ADAMTS15: variants seen among roughly 807,000 people sequenced by gnomAD.
ADAMTS15 encodes the protein ADAM metallopeptidase with thrombospondin type 1 motif 15.
A neutral mutation model predicts 79.1 loss-of-function variants in ADAMTS15; 35 were observed. The ratio of observed to expected loss-of-function variants is 0.44; its 90% CI spans 0.34 to 0.59. The LOEUF is 0.59. Ranked by LOEUF, ADAMTS15 falls within the 20% of genes least tolerant of loss-of-function variation. The pLI is 0.02. For missense variants in ADAMTS15, 1,324 were observed against 1,318.7 expected, an observed-to-expected ratio of 1.00 and a Z score of -0.06; for synonymous variants, 616 against 567.3, an observed-to-expected ratio of 1.09 and a Z score of -1.22.
chr11:130,466,616 C>T (rs905817829), intron 4 of ADAMTS15, among the ~76,000 whole-genome samples: 1 of 152,240 alleles, frequency 6.6e-6, no homozygotes, highest in Non-Finnish European at 1.5e-5. Context: ...CCCCCTGTCC[C>T]CTGGATTAAT....
intron 7 of ADAMTS15, among the ~76,000 whole-genome samples, chr11:130,471,979 G>A (rs1236821868): frequency 1.3e-5 from 2 of 152,236 alleles, no homozygotes; most frequent in African/African-American, 2.4e-5. Context: ...GACAGCAAGT[G>A]GGCAGCTGGG....
At chr11:130,470,133 C>CAT (rs1244452788) in intron 5 of ADAMTS15, among the ~76,000 whole-genome samples, 1,107 of 74,586 alleles carry the variant, frequency 0.015, 30 homozygotes, top group Non-Finnish European at 0.019. Flanking sequence ...TATATATATA[C>CAT]ATATATATAT....
chr11:130,455,789 A>C (rs1938064601), intron 1 of ADAMTS15, among the ~76,000 whole-genome samples: 2 of 152,202 alleles, frequency 1.3e-5, no homozygotes, highest in Admixed American at 6.5e-5. Context: ...GTGTCAATGC[A>C]GGTGTGGGGC....
Position 130,449,875 on chromosome 11 carries a change from A to G in ADAMTS15, c.902A>G (p.Lys301Arg), listed in dbSNP as rs1565390036. 1 of 1,603,368 alleles carries G rather than the reference A, an allele frequency of 6.2e-7. No homozygotes were observed. Among genetic ancestry groups the G allele is most frequent in the African/African-American group, 1.3e-5 (1 of 75,046 alleles). Residue 301 changes from lysine to arginine, a missense_variant, in exon 1 of 8, where the codon AAA (lysine) becomes AGA (arginine). Physicochemically the swap from Lys to Arg is conservative, Grantham distance 26. Coordinates refer to ENST00000299164, the MANE Select transcript of ADAMTS15 (RefSeq NM_139055.4). This position sits in a 1 kb window ranked among gnomAD's most constrained non-coding sequence, Gnocchi z 7.8. ...TGTGCCTGGCAGAAGAAGCTGAACA[A>G]AGTGAGTGACAAGCACCCCGAGTAC... ...NFCAWQKKLN[K>R]VSDKHPEYWD...
chr11:130,470,172 A>ATGTG (rs1184278550), intron 5 of ADAMTS15, among the ~76,000 whole-genome samples: 25 of 58,428 alleles, frequency 4.3e-4, no homozygotes, highest in South Asian at 1.8e-3. Context: ...ATATATATAT[A>ATGTG]TATATATATG....
chr11:130,462,540 C>G lies in ADAMTS15; in HGVS notation c.1302C>G (p.Pro434=). The change falls in exon 4 of 8, where the codon CCC becomes CCG. Residue 434 remains proline, a synonymous_variant. Transcript: ENST00000299164. This position sits in a 1 kb window ranked among gnomAD's most constrained non-coding sequence, Gnocchi z 4.3. ...LDQPSKPISL[P]EDLPGASYTL... is the part of the protein sequence containing the mutation. ...AACCCAGCAAGCCCATCTCCCTGCC[C>G]GAGGATCTGCCGGGCGCCAGCTACA... The G allele has an allele frequency of 1.2e-6, 2 of 1,610,242 alleles. No individual in the cohort carries two copies. Among genetic ancestry groups the G allele is most frequent in the African/African-American group, 1.3e-5 (1 of 75,010 alleles).
chr11:130,449,490 C>G lies in ADAMTS15; in HGVS notation c.517C>G (p.Arg173Gly). The change falls in exon 1 of 8, where the codon CGC becomes GGC. Residue 173 changes from arginine (R) to glycine (G), a missense_variant. Arg to Gly is a moderately radical substitution (Grantham distance 125). Transcript: ENST00000299164. The surrounding 1 kb of genome is among the most constrained non-coding windows in gnomAD (Gnocchi z 7.8). ...CGGGCCTTCCGGAGACCCCACCTCTCGCTGCGGGGTGGCCTCGGGCTGGAA... is the reference window on the plus strand; with the variant it reads ...CGGGCCTTCCGGAGACCCCACCTCTGGCTGCGGGGTGGCCTCGGGCTGGAA... ...PGGPSGDPTS[R>G]CGVASGWNPA... is the part of the protein sequence containing the mutation. The G allele has an allele frequency of 6.4e-7, 1 of 1,558,050 alleles. No individual in the cohort carries two copies. Among genetic ancestry groups the G allele is most frequent in the Non-Finnish European group, 8.7e-7 (1 of 1,154,726 alleles).
At chr11:130,470,208 A>ACACG (rs1938421526) in intron 5 of ADAMTS15, among the ~76,000 whole-genome samples, 1 of 63,252 alleles carries the variant, frequency 1.6e-5, no homozygotes, top group African/African-American at 7.0e-5. Flanking sequence ...ATATATATAT[A>ACACG]TGTATATATA....
chr11:130,467,667 C>T (rs1319214966), intron 4 of ADAMTS15, among the ~76,000 whole-genome samples: 1 of 151,780 alleles, frequency 6.6e-6, no homozygotes, highest in African/African-American at 2.4e-5. Context: ...TATTGCTCAA[C>T]TGATGTGTGT....
intron 1 of ADAMTS15, chr11:130,450,240 C>A: frequency 2.0e-6 from 2 of 985,482 alleles, no homozygotes; most frequent in South Asian, 4.7e-5. Context: ...CGCCCCGGAG[C>A]TGCAGTTTGT....
chr11:130,470,148 A>ATGTG (rs1938398279), intron 5 of ADAMTS15, among the ~76,000 whole-genome samples: 1 of 59,584 alleles, frequency 1.7e-5, no homozygotes, highest in Non-Finnish European at 3.1e-5. Context: ...ATATATATAT[A>ATGTG]TATGTGTATA....
At chr11:130,466,346 C>T (rs1191118265) in intron 4 of ADAMTS15, among the ~76,000 whole-genome samples, 2 of 152,196 alleles carry the variant, frequency 1.3e-5, no homozygotes, top group African/African-American at 4.8e-5. Context: ...GACCTACAGA[C>T]TTGCTTCTCT....
chr11:130,457,896 C>G (rs1430316663), intron 1 of ADAMTS15, among the ~76,000 whole-genome samples: 1 of 152,156 alleles, frequency 6.6e-6, no homozygotes, highest in Non-Finnish European at 1.5e-5. Context: ...CTGTGTCTTC[C>G]CACAGTGAAG....
chr11:130,475,782 CA>C lies in ADAMTS15; in HGVS notation c.*1962del, dbSNP rs1938572167. ...GGACAAAAAGGACCAGGGTACCAGGCAGAAGCAGATCCTTGATAGCTGACGA... is the reference window on the plus strand; with the variant it reads ...GGACAAAAAGGACCAGGGTACCAGGCGAAGCAGATCCTTGATAGCTGACGA... On this transcript the variant is annotated 3_prime_UTR_variant, in exon 8 of 8. Coordinates refer to ENST00000299164, the MANE Select transcript of ADAMTS15 (RefSeq NM_139055.4). 1 of 151,626 alleles carries C rather than the reference CA, an allele frequency of 6.6e-6. No individual in the cohort carries two copies. Among genetic ancestry groups the C allele is most frequent in the Non-Finnish European group, 1.5e-5 (1 of 68,186 alleles). 9.4% of individuals were successfully genotyped at this position (151,626 alleles called of 1,614,324 possible). A position where few individuals can be genotyped will look rare whatever the true frequency, so the allele number is the denominator to read the frequency against.
intron 1 of ADAMTS15, 132 bp downstream of exon 1, chr11:130,450,062 ACT>A: frequency 6.8e-7 from 1 of 1,470,928 alleles, no homozygotes; most frequent in Non-Finnish European, 9.0e-7. Flanking sequence ...TCCGACTCCA[ACT>A]CTGTGGAGTT....
rs1422482294 is a variant in ADAMTS15, at chr11:130,462,663, G to A, written c.1425G>A (p.Lys475=). 5 of 1,613,616 alleles carry A rather than the reference G, an allele frequency of 3.1e-6. No homozygotes were observed. Among genetic ancestry groups the A allele is most frequent in the Admixed American group, 3.3e-5 (2 of 59,998 alleles). The change falls in exon 4 of 8, where the codon AAG becomes AAA. Residue 475 remains lysine (K), a synonymous_variant. Coordinates refer to ENST00000299164, the MANE Select transcript of ADAMTS15 (RefSeq NM_139055.4). This position sits in a 1 kb window ranked among gnomAD's most constrained non-coding sequence, Gnocchi z 4.3. ...CTKLWCTGKA[K]GQMVCQTRHF... Reference sequence around the variant, plus strand: ...AGCTGTGGTGCACCGGGAAGGCCAAGGGACAGATGGTGTGCCAGACCCGCC... The same window carrying A: ...AGCTGTGGTGCACCGGGAAGGCCAAAGGACAGATGGTGTGCCAGACCCGCC...
intron 1 of ADAMTS15, chr11:130,450,340 G>T: frequency 1.0e-6 from 1 of 985,484 alleles, no homozygotes; most frequent in Non-Finnish European, 1.2e-6. Context: ...AGTCTTCTCG[G>T]ACACCTCCTG....
At position 130,473,335 on chromosome 11, in the gene ADAMTS15, G is replaced by A. The variant is rs769750725; in HGVS notation, c.2367G>A (p.Met789Ile). 6.2e-7 allele frequency: 1 copy of A among 1,612,962 alleles called. No homozygotes were observed. Among genetic ancestry groups the A allele is most frequent in the South Asian group, 1.1e-5 (1 of 91,076 alleles). The change falls in exon 8 of 8, where the codon ATG (methionine) becomes ATA (isoleucine). Residue 789 changes from methionine to isoleucine, a missense_variant. Met to Ile is a conservative substitution (Grantham distance 10). Transcript: ENST00000299164. ...LTVEVLSVGKMTPPRVRYSFY... is the reference protein window; with the variant it reads ...LTVEVLSVGKITPPRVRYSFY... ...TGGAGGTCCTCTCCGTGGGGAAGAT[G>A]ACACCGCCCCGGGTCCGCTACTCCT... is the stretch of plus-strand genomic sequence containing the variant.
intron 1 of ADAMTS15, among the ~76,000 whole-genome samples, chr11:130,453,242 C>T (rs1367668869): frequency 2.0e-5 from 3 of 149,922 alleles, no homozygotes; most frequent in Non-Finnish European, 4.4e-5. Flanking sequence ...CATTCCACTT[C>T]TGCTTTGCTC....
Sources: gnomAD v4.1 joint callset for allele counts (sites outside exome capture counted in the v4.1 genomes callset) on GRCh38, gnomAD v4.1.1 for gene constraint, Gnocchi (gnomAD v3.1) non-coding constraint, MANE v1.5 for transcripts, NCBI Gene and HGNC (gene_info 2026-07-23, HGNC 2026-07-21) for gene names.